Variants in MAMLD1 observed in about 807,000 individuals in gnomAD.
MAMLD1 encodes the protein mastermind like domain containing 1.
MAMLD1 carries 14 observed loss-of-function variants against 45.0 expected under a neutral mutation model. The observed-to-expected ratio is 0.31, with a 90% CI of 0.21 to 0.49. The LOEUF (loss-of-function observed/expected upper bound fraction) is 0.49. MAMLD1 is among the 20% of genes least tolerant of loss of function. The pLI is 0.99. For synonymous variants in MAMLD1, 254 were observed against 247.8 expected (o/e 1.02, Z -0.24); for missense variants, 543 against 603.6 (o/e 0.90, Z 1.05).
rs782553504 is a variant in MAMLD1, at chrX:150,364,839, G to A, written c.-64+1309G>A. ...TGGGTCTCCCGGGGTAGACCCCCGC[G>A]GGAATTGCGCCGCCCCCAGCGGCCC... is the stretch of plus-strand genomic sequence containing the variant. On this transcript the variant is annotated intron_variant, in intron 1 of 7. Coordinates refer to ENST00000370401, the MANE Select transcript of MAMLD1 (RefSeq NM_005491.5). 3.9e-4 allele frequency among the ~76,000 whole-genome samples: 44 copies of A among 113,252 alleles called. No homozygotes were observed. In the South Asian group the frequency reaches 6.8e-3, roughly 17 times the overall value.
chrX:150,405,294 G>A (rs1056411832), intron 1 of MAMLD1, among the ~76,000 whole-genome samples: 3 of 111,400 alleles, frequency 2.7e-5, no homozygotes, highest in Non-Finnish European at 5.7e-5. Flanking sequence ...ATGATTGGGA[G>A]GAGGGTCAAG....
At position 150,503,383 on chromosome X, in the gene MAMLD1, G is replaced by T; in HGVS notation, c.2150G>T (p.Gly717Val). 3.3e-6 allele frequency: 4 copies of T among 1,211,929 alleles called. No homozygotes were observed. The highest frequency in any genetic ancestry group is 4.5e-6 in the Non-Finnish European group (4 of 895,194). ...QALGSESFLP[G>V]SSFAHELARV... ...CTGGGGAGTGAGTCCTTCCTGCCCG[G>T]CAGCTCCTTTGCTCATGAGCTGGCC... Residue 717 changes from glycine to valine, a missense_variant, in exon 6 of 8, where the codon GGC (glycine) becomes GTC (valine). Coordinates refer to ENST00000370401, the MANE Select transcript of MAMLD1 (RefSeq NM_005491.5).
intron 1 of MAMLD1, among the ~76,000 whole-genome samples, chrX:150,372,825 G>T (rs984510024): frequency 1.8e-5 from 2 of 112,046 alleles, no homozygotes; most frequent in African/African-American, 3.2e-5. Context: ...GACAGTTCTC[G>T]AAATGAGCCC....
chrX:150,366,662 G>T (rs1557400737), intron 1 of MAMLD1, among the ~76,000 whole-genome samples: 8 of 111,575 alleles, frequency 7.2e-5, no homozygotes. Context: ...TATTAAATAG[G>T]ATATTCTCCA....
At position 150,447,005 on chromosome X, in the gene MAMLD1, T is replaced by C. The variant is rs151053252; in HGVS notation, c.96+1393T>C. 4.7e-3 allele frequency among the ~76,000 whole-genome samples: 526 copies of C among 112,537 alleles called. 4 individuals are homozygous for C. Among genetic ancestry groups the C allele is most frequent in the African/African-American group, 0.016 (506 of 30,964 alleles). ...CTTCTCCCCAACTCCATCAACACTC[T>C]TAAAAAGTGTGGCCAGTAAGTAACT... On this transcript the variant is annotated intron_variant, in intron 2 of 7. Coordinates refer to ENST00000370401, the MANE Select transcript of MAMLD1 (RefSeq NM_005491.5).
At chrX:150,417,796 C>T (rs2034316980) in intron 1 of MAMLD1, among the ~76,000 whole-genome samples, 2 of 109,958 alleles carry the variant, frequency 1.8e-5, no homozygotes, top group Non-Finnish European at 3.8e-5. Flanking sequence ...TTTTTGGCTG[C>T]ATAAATGTCT....
intron 1 of MAMLD1, among the ~76,000 whole-genome samples, chrX:150,444,205 G>C (rs1296461925): frequency 8.9e-6 from 1 of 111,788 alleles, no homozygotes; most frequent in Non-Finnish European, 1.9e-5. Flanking sequence ...TGCTATGTGG[G>C]GGTGGAGTCT....
At chrX:150,501,074 T>C (rs2037538797) in intron 5 of MAMLD1, among the ~76,000 whole-genome samples, 1 of 111,832 alleles carries the variant, frequency 8.9e-6, no homozygotes, top group Non-Finnish European at 1.9e-5. Context: ...TGCAGTTTTT[T>C]CTGCCTGATG....
chrX:150,424,323 G>A (rs944752393), intron 1 of MAMLD1, among the ~76,000 whole-genome samples: 40 of 112,516 alleles, frequency 3.6e-4, no homozygotes, highest in Middle Eastern at 4.6e-3. Context: ...AGCACATGAC[G>A]CCCAGATGAG....
rs185953835 is a variant in MAMLD1, at chrX:150,432,015, T to G, written c.-63-13439T>G. 1.2e-4 allele frequency among the ~76,000 whole-genome samples: 13 copies of G among 111,599 alleles called. No individual in the cohort carries two copies. The East Asian group carries it at 3.4e-3, about 29-fold the overall frequency. ...CACTAAACTGTTTTTGTTCTGTAGA[T>G]GTCTATTAGTTCAGTTAGTTATATA... is the stretch of plus-strand genomic sequence containing the variant. On this transcript the variant is annotated intron_variant, in intron 1 of 7. Coordinates refer to ENST00000370401, the MANE Select transcript of MAMLD1 (RefSeq NM_005491.5).
At chrX:150,390,936 C>T (rs1054113316) in intron 1 of MAMLD1, among the ~76,000 whole-genome samples, 20 of 112,025 alleles carry the variant, frequency 1.8e-4, no homozygotes, top group African/African-American at 5.5e-4. Flanking sequence ...TTGCCAGATA[C>T]ATAATTTGGG....
At chrX:150,396,491 A>G (rs1557402284) in intron 1 of MAMLD1, among the ~76,000 whole-genome samples, 1 of 111,064 alleles carries the variant, frequency 9.0e-6, no homozygotes, top group Non-Finnish European at 1.9e-5. Context: ...GCGTTTTCCC[A>G]TTATCTTTCT....
intron 1 of MAMLD1, among the ~76,000 whole-genome samples, chrX:150,373,934 G>A (rs1453763230): frequency 8.9e-6 from 1 of 112,039 alleles, no homozygotes; most frequent in Non-Finnish European, 1.9e-5. Context: ...CCACCAAATG[G>A]TACCATGCCT....
At chrX:150,421,600 A>G (rs1557403546) in intron 1 of MAMLD1, among the ~76,000 whole-genome samples, 1 of 112,251 alleles carries the variant, frequency 8.9e-6, no homozygotes, top group African/African-American at 3.2e-5. Context: ...ATAATTGGAG[A>G]CAGAGGCTAG....
At chrX:150,388,770 T>C (rs1343338024) in intron 1 of MAMLD1, among the ~76,000 whole-genome samples, 2 of 111,885 alleles carry the variant, frequency 1.8e-5, no homozygotes, top group African/African-American at 6.5e-5. Flanking sequence ...AAAACTAGCT[T>C]TTTGCTTCAT....
intron 1 of MAMLD1, among the ~76,000 whole-genome samples, chrX:150,440,522 G>T (rs1271860847): frequency 1.8e-5 from 2 of 110,551 alleles, no homozygotes; most frequent in African/African-American, 6.5e-5. Context: ...TTATGAATTT[G>T]ATTTCTTTCA....
In MAMLD1 at chrX:150,382,880, A is replaced by T. The variant is rs1292155321; in HGVS notation, c.-64+19350A>T. ...GATTACAAATATTTTGTCCCATTTT[A>T]TTTTATTTTTTTTTTTTTTTATTTT... On this transcript the variant is annotated intron_variant, in intron 1 of 7. Transcript: ENST00000370401. Among the ~76,000 whole-genome samples, 81 of 31,307 alleles carry T rather than the reference A, an allele frequency of 2.6e-3. 6 individuals carry two copies. Among genetic ancestry groups the T allele is most frequent in the East Asian group, 5.0e-3 (7 of 1,403 alleles). The allele number at this position is 31,307 out of a possible 115,157, so 27.2% of individuals were successfully genotyped here.
chrX:150,425,240 A>C (rs1444271375), intron 1 of MAMLD1, among the ~76,000 whole-genome samples: 1 of 111,346 alleles, frequency 9.0e-6, no homozygotes, highest in South Asian at 3.8e-4. Context: ...TCTGTTTTCA[A>C]TCCTCTTGGG....
chrX:150,404,161 T>C (rs2033943278), intron 1 of MAMLD1, among the ~76,000 whole-genome samples: 1 of 110,405 alleles, frequency 9.1e-6, no homozygotes, highest in African/African-American at 3.3e-5. Context: ...TCACAGGACA[T>C]CTTACTTCTG....
Sources: gnomAD v4.1 joint callset for allele counts (sites outside exome capture counted in the v4.1 genomes callset) on GRCh38, gnomAD v4.1.1 for gene constraint, MANE v1.5 for transcripts, NCBI Gene and HGNC (gene_info 2026-07-23, HGNC 2026-07-21) for gene names.